The following EYS variants were observed in gnomAD, a reference collection of about 807,000 sequenced individuals.
The protein encoded by EYS is protein eyes shut homolog.
In EYS, 250 loss-of-function variants were observed where a neutral mutation model predicts 282.1. That is an observed-to-expected ratio of 0.89 (90% CI 0.80 to 0.98). EYS has a LOEUF of 0.98. EYS is among the 50% of genes least tolerant of loss of function. The pLI is 0.00. For missense variants in EYS, 4,016 were observed against 3,709.0 expected, an observed-to-expected ratio of 1.08 and a Z score of -2.15; for synonymous variants, 1,355 against 1,282.9, an observed-to-expected ratio of 1.06 and a Z score of -1.20.
chr6:65,135,199 T>G (rs2150205028), intron 12 of EYS, among the ~76,000 whole-genome samples: 1 of 152,238 alleles, frequency 6.6e-6, no homozygotes, highest in African/African-American at 2.4e-5. Flanking sequence ...TAGGTTATTT[T>G]GTTTGCAACG....
intron 26 of EYS, among the ~76,000 whole-genome samples, chr6:64,551,207 T>C (rs951290338): frequency 3.1e-4 from 47 of 149,580 alleles, no homozygotes; most frequent in African/African-American, 1.1e-3. Context: ...TACACACATA[T>C]ATATATATAC....
At chr6:64,606,176 T>C (rs1766929557) in intron 24 of EYS, among the ~76,000 whole-genome samples, 1 of 152,048 alleles carries the variant, frequency 6.6e-6, no homozygotes, top group African/African-American at 2.4e-5. Context: ...AATATACACA[T>C]ATTAAGTGCT....
At chr6:63,784,818 T>C (rs534930288) in intron 39 of EYS, among the ~76,000 whole-genome samples, 11 of 152,260 alleles carry the variant, frequency 7.2e-5, no homozygotes, top group African/African-American at 2.6e-4. Flanking sequence ...ATTCTAGAGT[T>C]GACAGGGTGT....
chr6:65,383,772 T>C (rs897709687), intron 8 of EYS, among the ~76,000 whole-genome samples: 1 of 151,952 alleles, frequency 6.6e-6, no homozygotes, highest in African/African-American at 2.4e-5. Flanking sequence ...AGCTATTGTC[T>C]ATTCATTTTA....
intron 29 of EYS, among the ~76,000 whole-genome samples, chr6:64,363,706 T>G (rs573561605): frequency 1.3e-5 from 2 of 152,048 alleles, no homozygotes; most frequent in East Asian, 3.9e-4. Flanking sequence ...CCAAATAGTG[T>G]GTCAGAAGTG....
chr6:64,924,973 C>T (rs892255809), intron 15 of EYS, among the ~76,000 whole-genome samples: 28 of 152,296 alleles, frequency 1.8e-4, no homozygotes, highest in African/African-American at 6.5e-4. Context: ...GTCACTTCCA[C>T]GTTTTTGGGT....
intron 24 of EYS, 144 bp downstream of exon 24, chr6:64,617,274 A>G (rs775848375): frequency 2.7e-4 from 163 of 611,890 alleles, no homozygotes; most frequent in Non-Finnish European, 4.4e-4. Context: ...GAATGCCGAG[A>G]AAAGTGTAGC....
intron 36 of EYS, among the ~76,000 whole-genome samples, chr6:63,825,087 C>T (rs1311134559): frequency 6.6e-6 from 1 of 152,116 alleles, no homozygotes; most frequent in Admixed American, 6.5e-5. Flanking sequence ...GAGACTGGCC[C>T]TTCAGTTTGC....
At chr6:64,178,587 C>CT (rs1218633602) in intron 31 of EYS, among the ~76,000 whole-genome samples, 5 of 152,030 alleles carry the variant, frequency 3.3e-5, no homozygotes, top group Admixed American at 2.6e-4. Context: ...CATCTCCTTA[C>CT]TCTTAGTAGG....
intron 22 of EYS, among the ~76,000 whole-genome samples, chr6:64,724,065 G>GT (rs1195997237): frequency 1.3e-5 from 2 of 148,938 alleles, no homozygotes; most frequent in African/African-American, 5.1e-5. Flanking sequence ...TATAATCATT[G>GT]TTGTTTTTTT....
At position 64,475,386 on chromosome 6, in the gene EYS, C is replaced by T. The variant is rs1322401705; in HGVS notation, c.5645-36034G>A. On this transcript the variant is annotated intron_variant, in intron 26 of 42. Coordinates refer to ENST00000503581, the MANE Select transcript of EYS (RefSeq NM_001142800.2). The stretch of plus-strand genomic sequence containing the variant: ...CTAAAACGGTGAAACCCCGTCTCTA[C>T]TAAAAATACAAAAAATTAGCCGGGC... Among the ~76,000 whole-genome samples, 2 of 122,552 alleles carry T rather than the reference C, an allele frequency of 1.6e-5. 1 individual carries two copies. The highest frequency in any genetic ancestry group is 6.0e-4 in the East Asian group (2 of 3,332). The allele number at this position is 122,552 out of a possible 152,430, so 80.4% of individuals were successfully genotyped here. A position where few individuals can be genotyped will look rare whatever the true frequency, so the allele number is the denominator to read the frequency against.
intron 22 of EYS, among the ~76,000 whole-genome samples, chr6:64,770,076 G>T (rs1454174066): frequency 3.3e-5 from 5 of 151,754 alleles, no homozygotes; most frequent in Non-Finnish European, 2.9e-5. Context: ...AACAGAAATT[G>T]CTTGTCTCTC....
intron 33 of EYS, among the ~76,000 whole-genome samples, chr6:64,031,674 T>A (rs1769846975): frequency 6.6e-6 from 1 of 152,130 alleles, no homozygotes; most frequent in Admixed American, 6.5e-5. Context: ...GCTCAGGGTT[T>A]GTGAATGCTC....
intron 22 of EYS, among the ~76,000 whole-genome samples, chr6:64,705,924 A>G (rs1406002305): frequency 1.3e-5 from 2 of 151,442 alleles, no homozygotes; most frequent in African/African-American, 4.9e-5. Flanking sequence ...AGCATGGCAC[A>G]TGTATACATA....
At chr6:63,989,496 T>C (rs1483447658) in intron 34 of EYS, among the ~76,000 whole-genome samples, 1 of 151,726 alleles carries the variant, frequency 6.6e-6, no homozygotes, top group Non-Finnish European at 1.5e-5. Flanking sequence ...CCTCTCTTTA[T>C]CTTACTTTTC....
intron 12 of EYS, among the ~76,000 whole-genome samples, chr6:65,259,534 A>G (rs1767562314): frequency 1.3e-5 from 2 of 152,112 alleles, no homozygotes; most frequent in Admixed American, 1.3e-4. Flanking sequence ...TAGATAGTAA[A>G]ATTGCCACTT....
intron 2 of EYS, among the ~76,000 whole-genome samples, chr6:65,513,367 AGGAACT>A (rs1466823797): frequency 1.3e-5 from 2 of 152,150 alleles, no homozygotes; most frequent in Non-Finnish European, 2.9e-5. Flanking sequence ...AGGTACAAGG[AGGAACT>A]GGTACCATTC....
At chr6:63,760,642 G>T (rs1769608470) in intron 41 of EYS, among the ~76,000 whole-genome samples, 1 of 139,846 alleles carries the variant, frequency 7.2e-6, no homozygotes, top group Non-Finnish European at 1.5e-5. Context: ...ATGTATGTAT[G>T]TATGTATATC....
chr6:64,503,694 C>T (rs1194129354), intron 26 of EYS, among the ~76,000 whole-genome samples: 1 of 152,122 alleles, frequency 6.6e-6, no homozygotes, highest in East Asian at 1.9e-4. Flanking sequence ...AAGAGAATGG[C>T]CTTGACTCCG....
Sources: gnomAD v4.1 joint callset for allele counts (sites outside exome capture counted in the v4.1 genomes callset) on GRCh38, gnomAD v4.1.1 for gene constraint, MANE v1.5 for transcripts, NCBI Gene and HGNC (gene_info 2026-07-23, HGNC 2026-07-21) for gene names.